Variants in MEIS1 observed in about 807,000 individuals in gnomAD.
The protein encoded by MEIS1 is Meis homeobox 1.
MEIS1 carries 5 observed loss-of-function variants against 50.8 expected under a neutral mutation model. The observed-to-expected ratio is 0.10, with a 90% CI of 0.05 to 0.21. The LOEUF is 0.21. Among genes scored for constraint, MEIS1 ranks in the 10% least tolerant of loss-of-function variants. The pLI is 1.00. For synonymous variants in MEIS1, 176 were observed against 179.3 expected, an observed-to-expected ratio of 0.98 and a Z score of 0.15; for missense variants, 318 against 517.3, an observed-to-expected ratio of 0.61 and a Z score of 3.74.
chr2:66,509,349 C>A (rs750232790), intron 7 of MEIS1, among the ~76,000 whole-genome samples: 1 of 152,150 alleles, frequency 6.6e-6, no homozygotes, highest in Non-Finnish European at 1.5e-5. Context: ...GAACATGCAC[C>A]AGTATTTACA....
At position 66,571,360 on chromosome 2, in the gene MEIS1, A is replaced by G; in HGVS notation, c.*152A>G. On this transcript the variant is annotated 3_prime_UTR_variant, in exon 13 of 13. Transcript: ENST00000272369. ...CCCCCCCATCCTGCTCAGCTGCGTC[A>G]TGGGCCCCCCATGCATACGTACATT... 1.2e-6 allele frequency: 2 copies of G among 1,602,016 alleles called. No homozygotes were observed. Among genetic ancestry groups the G allele is most frequent in the Non-Finnish European group, 1.7e-6 (2 of 1,174,426 alleles).
At chr2:66,560,560 G>A (rs1459032171) in intron 9 of MEIS1, among the ~76,000 whole-genome samples, 8 of 150,772 alleles carry the variant, frequency 5.3e-5, no homozygotes, top group Admixed American at 4.6e-4. Flanking sequence ...CTCCAGCCTG[G>A]GCAACAGAGT....
At chr2:66,512,065 G>C (rs997549443) in intron 7 of MEIS1, 84 bp from the exon 8 acceptor site, 3 of 1,380,928 alleles carry the variant, frequency 2.2e-6, no homozygotes, top group Admixed American at 3.1e-5. Flanking sequence ...TGCTCTTTTG[G>C]TTTTGTTTAT....
chr2:66,569,037 A>G lies in MEIS1; in HGVS notation c.1115-13A>G. ...TTTTCTGGCCTCTTCTTGGATTTTT[A>G]TCTCCCTTCTAGGACCTATGAGTGG... On this transcript the variant is annotated splice_polypyrimidine_tract_variant and intron_variant, in intron 11 of 12. Transcript: ENST00000272369. 6.8e-6 allele frequency: 11 copies of G among 1,611,606 alleles called. No individual in the cohort carries two copies. The highest frequency in any genetic ancestry group is 9.3e-6 in the Non-Finnish European group (11 of 1,178,570).
chr2:66,547,510 C>T (rs947074753), intron 8 of MEIS1, among the ~76,000 whole-genome samples: 10 of 152,012 alleles, frequency 6.6e-5, no homozygotes, highest in Admixed American at 2.0e-4. Flanking sequence ...AGAGGGAGAA[C>T]GTCACTATGT....
At chr2:66,541,583 A>G (rs1020832694) in intron 8 of MEIS1, among the ~76,000 whole-genome samples, 1 of 152,214 alleles carries the variant, frequency 6.6e-6, no homozygotes, top group Non-Finnish European at 1.5e-5. Context: ...GATTGTCTGC[A>G]GAATGACTCT....
intron 7 of MEIS1, among the ~76,000 whole-genome samples, chr2:66,504,757 A>G (rs1673647375): frequency 6.6e-6 from 1 of 152,216 alleles, no homozygotes; most frequent in Non-Finnish European, 1.5e-5. Flanking sequence ...TCTGTACCAC[A>G]GGGCACTTGT....
chr2:66,568,843 T>G, intron 11 of MEIS1, 87 bp downstream of exon 11: 2 of 1,288,218 alleles, frequency 1.6e-6, no homozygotes, highest in East Asian at 4.6e-5. Context: ...GCCTCATCCT[T>G]TTCTGTTATC....
At chr2:66,454,884 GATAA>G (rs1458650232) in intron 6 of MEIS1, 7 of 151,958 alleles carry the variant, frequency 4.6e-5, no homozygotes, top group Non-Finnish European at 7.4e-5. Flanking sequence ...ACTCTCAAAA[GATAA>G]ATGAATAAAA....
At chr2:66,489,403 T>A (rs151303021) in intron 7 of MEIS1, among the ~76,000 whole-genome samples, 1 of 152,346 alleles carries the variant, frequency 6.6e-6, no homozygotes, top group African/African-American at 2.4e-5. Context: ...AACAGGCAGA[T>A]GAAGGACAGT....
At chr2:66,440,268 T>C (rs1671935935) in intron 3 of MEIS1, 1 of 589,426 alleles carries the variant, frequency 1.7e-6, no homozygotes, top group Non-Finnish European at 3.0e-6. Flanking sequence ...CAGAATAAAA[T>C]CAAGAACACC....
chr2:66,447,199 A>G (rs1397213616), intron 6 of MEIS1, among the ~76,000 whole-genome samples: 2 of 152,190 alleles, frequency 1.3e-5, no homozygotes, highest in East Asian at 3.9e-4. Flanking sequence ...TTGTCATCCA[A>G]TAAGAAAAGT....
chr2:66,502,700 G>A (rs1673586243), intron 7 of MEIS1, among the ~76,000 whole-genome samples: 1 of 152,176 alleles, frequency 6.6e-6, no homozygotes, highest in South Asian at 2.1e-4. Flanking sequence ...AAGCACTGGA[G>A]CATGTGGAAA....
intron 9 of MEIS1, among the ~76,000 whole-genome samples, chr2:66,553,426 C>T (rs978690288): frequency 5.3e-5 from 8 of 152,150 alleles, no homozygotes; most frequent in Admixed American, 4.6e-4. Flanking sequence ...CCTTTACAGA[C>T]GCTTACTCTG....
intron 6 of MEIS1, among the ~76,000 whole-genome samples, chr2:66,456,235 T>TACAC (rs3220293): frequency 2.9e-3 from 427 of 147,606 alleles, no homozygotes; most frequent in African/African-American, 4.4e-3. Flanking sequence ...ATGATTTTTA[T>TACAC]ACACACACAC....
intron 7 of MEIS1, among the ~76,000 whole-genome samples, chr2:66,470,721 A>G (rs1219526131): frequency 6.6e-6 from 1 of 152,218 alleles, no homozygotes; most frequent in Non-Finnish European, 1.5e-5. Flanking sequence ...CGAAAAGTGC[A>G]TTTGAAATTA....
chr2:66,478,961 A>G (rs982436374), intron 7 of MEIS1, among the ~76,000 whole-genome samples: 4 of 152,220 alleles, frequency 2.6e-5, no homozygotes, highest in East Asian at 1.9e-4. Flanking sequence ...TATGACCGCA[A>G]TGGTGGGAAT....
At chr2:66,568,236 A>G (rs1675397966) in intron 10 of MEIS1, 1 of 162,572 alleles carries the variant, frequency 6.2e-6, no homozygotes, top group Non-Finnish European at 1.3e-5. Context: ...TTGTTTTTGC[A>G]TTATAATATG....
chr2:66,505,885 A>C (rs1673674781), intron 7 of MEIS1, among the ~76,000 whole-genome samples: 1 of 152,188 alleles, frequency 6.6e-6, no homozygotes, highest in African/African-American at 2.4e-5. Context: ...GCTCTGAGAA[A>C]TGTATTTCTT....
Sources: allele counts gnomAD v4.1 joint callset (sites outside exome capture counted in the v4.1 genomes callset), GRCh38; gene constraint gnomAD v4.1.1; transcripts MANE v1.5; gene names NCBI Gene and HGNC (gene_info 2026-07-23, HGNC 2026-07-21).